Variants in RANBP2 observed in about 807,000 individuals in gnomAD.
RANBP2 encodes E3 SUMO-protein ligase RanBP2.
In RANBP2, 57 loss-of-function variants were observed where a neutral mutation model predicts 303.6. The ratio of observed to expected loss-of-function variants is 0.19; its 90% CI spans 0.15 to 0.23. The LOEUF is 0.23. Among genes scored for constraint, RANBP2 ranks in the 10% least tolerant of loss-of-function variants. The pLI is 1.00. For missense variants in RANBP2, 3,138 were observed against 3,780.8 expected, an observed-to-expected ratio of 0.83 and a Z score of 4.46; for synonymous variants, 1,167 against 1,301.5, an observed-to-expected ratio of 0.90 and a Z score of 2.23.
At chr2:108,799,623 T>C in the RANBP2 span, among the ~76,000 whole-genome samples, 1 of 152,238 alleles carries the variant, frequency 6.6e-6, no homozygotes, top group Non-Finnish European at 1.5e-5. Flanking sequence ...TTCTTTCAGT[T>C]TGTTCTGTTT....
At chr2:109,542,810 A>C in the RANBP2 span, among the ~76,000 whole-genome samples, 1 of 152,248 alleles carries the variant, frequency 6.6e-6, no homozygotes, top group Non-Finnish European at 1.5e-5. Context: ...TGTGCTATGC[A>C]AGGTTTTATT....
chr2:109,152,973 T>C, the RANBP2 span, among the ~76,000 whole-genome samples: 1 of 152,200 alleles, frequency 6.6e-6, no homozygotes, highest in Non-Finnish European at 1.5e-5. Flanking sequence ...GTGAAGTCAT[T>C]GTTGTTATGA....
chr2:109,350,885 T>C, the RANBP2 span, among the ~76,000 whole-genome samples: 1 of 152,242 alleles, frequency 6.6e-6, no homozygotes, highest in African/African-American at 2.4e-5. Flanking sequence ...GAAGGGTCTC[T>C]GAAAGCTACA....
the RANBP2 span, among the ~76,000 whole-genome samples, chr2:108,934,325 C>A: frequency 8.0e-3 from 1,215 of 152,158 alleles, 10 homozygotes; most frequent in South Asian, 0.03. Context: ...GGCCACTGGG[C>A]GCTGGGGGGC....
At chr2:109,124,796 C>T in the RANBP2 span, among the ~76,000 whole-genome samples, 9 of 152,286 alleles carry the variant, frequency 5.9e-5, no homozygotes, top group South Asian at 2.1e-4. Flanking sequence ...CAAATGAGTA[C>T]GTTTAGGGTT....
chr2:108,889,690 T>C, the RANBP2 span, among the ~76,000 whole-genome samples: 1 of 152,106 alleles, frequency 6.6e-6, no homozygotes, highest in African/African-American at 2.4e-5. Flanking sequence ...ACTGGTAAGG[T>C]GAGTTTCTTG....
At chr2:109,680,462 T>A in the RANBP2 span, among the ~76,000 whole-genome samples, 1 of 151,858 alleles carries the variant, frequency 6.6e-6, no homozygotes, top group East Asian at 1.9e-4. Context: ...GAAAAAATAA[T>A]TAAGCTGGAA....
the RANBP2 span, among the ~76,000 whole-genome samples, chr2:109,424,429 C>T: frequency 6.6e-6 from 1 of 152,192 alleles, no homozygotes; most frequent in Non-Finnish European, 1.5e-5. Flanking sequence ...GAAACACAGG[C>T]AAACCTCATT....
At chr2:109,277,876 T>C in the RANBP2 span, among the ~76,000 whole-genome samples, 1 of 152,322 alleles carries the variant, frequency 6.6e-6, no homozygotes, top group African/African-American at 2.4e-5. Context: ...GCATTTCTTC[T>C]GCTGAAAGGC....
chr2:108,740,009 T>C (rs1271110262), intron 6 of RANBP2, among the ~76,000 whole-genome samples: 2 of 152,048 alleles, frequency 1.3e-5, no homozygotes, highest in Non-Finnish European at 2.9e-5. Context: ...AGGCAGACTA[T>C]TTTAAACGCT....
At chr2:108,943,605 GAC>G in the RANBP2 span, among the ~76,000 whole-genome samples, 1 of 152,172 alleles carries the variant, frequency 6.6e-6, no homozygotes, top group African/African-American at 2.4e-5. Context: ...GGCTTGGGAG[GAC>G]TCACTTCCGA....
At chr2:109,045,064 G>A in the RANBP2 span, among the ~76,000 whole-genome samples, 1,279 of 152,276 alleles carry the variant, frequency 8.4e-3, 4 homozygotes, top group African/African-American at 0.029. Context: ...GAAGATCTGA[G>A]GGCAGAGGGA....
chr2:108,927,075 T>A, the RANBP2 span, among the ~76,000 whole-genome samples: 2 of 152,316 alleles, frequency 1.3e-5, no homozygotes, highest in South Asian at 4.1e-4. Flanking sequence ...GCGTTGGGAC[T>A]GGCAGTGAGG....
chr2:109,589,374 A>T, the RANBP2 span, among the ~76,000 whole-genome samples: 2 of 151,940 alleles, frequency 1.3e-5, no homozygotes, highest in Admixed American at 6.6e-5. Flanking sequence ...CTCTACCAGA[A>T]ATACAAAAAT....
At chr2:109,337,284 C>G in the RANBP2 span, among the ~76,000 whole-genome samples, 1 of 152,230 alleles carries the variant, frequency 6.6e-6, no homozygotes, top group Non-Finnish European at 1.5e-5. Flanking sequence ...ACCCTCTCCT[C>G]TCCCCACAGC....
chr2:109,313,827 A>T, the RANBP2 span, among the ~76,000 whole-genome samples: 4 of 152,206 alleles, frequency 2.6e-5, no homozygotes, highest in Admixed American at 1.3e-4. Flanking sequence ...ATTCCAGTGC[A>T]TGTGGGGGAG....
At chr2:108,863,043 T>C in the RANBP2 span, among the ~76,000 whole-genome samples, 3 of 152,242 alleles carry the variant, frequency 2.0e-5, no homozygotes, top group African/African-American at 7.2e-5. Context: ...TACTTCTGAA[T>C]ATATCCATAT....
the RANBP2 span, among the ~76,000 whole-genome samples, chr2:109,356,558 C>T: frequency 6.6e-6 from 1 of 152,228 alleles, no homozygotes; most frequent in African/African-American, 2.4e-5. Flanking sequence ...CAGGCCCCCT[C>T]CTCCTCCTTG....
intron 7 of RANBP2, among the ~76,000 whole-genome samples, chr2:108,741,469 T>A (rs965795859): frequency 2.0e-5 from 3 of 149,082 alleles, no homozygotes; most frequent in Non-Finnish European, 3.0e-5. Context: ...GTGCTGGGAT[T>A]ACAGGCGCAA....
Sources: allele counts gnomAD v4.1 joint callset (sites outside exome capture counted in the v4.1 genomes callset), GRCh38; gene constraint gnomAD v4.1.1; transcripts MANE v1.5; gene names NCBI Gene and HGNC (gene_info 2026-07-23, HGNC 2026-07-21).